The following CCZ1B variants were observed in gnomAD, a reference collection of about 807,000 sequenced individuals.
CCZ1B encodes the protein CCZ1B vacuolar protein trafficking and biogenesis associated.
Under a neutral mutation model 58.8 loss-of-function variants are expected in CCZ1B, and 25 were observed. The ratio of observed to expected loss-of-function variants is 0.43; its 90% CI spans 0.31 to 0.59. The LOEUF is 0.59. CCZ1B is among the 20% of genes least tolerant of loss of function. The pLI is 0.12. For missense variants in CCZ1B, 180 were observed against 501.5 expected (o/e 0.36, Z 6.12); for synonymous variants, 66 against 173.2 (o/e 0.38, Z 4.86).
chr7:6,820,488 T>TC (rs1359544429), intron 6 of CCZ1B, among the ~76,000 whole-genome samples: 1 of 149,042 alleles, frequency 6.7e-6, no homozygotes, highest in African/African-American at 2.5e-5. Context: ...AAAATTTTTT[T>TC]TTTTTTTTGG....
At chr7:6,818,625 AAAGAAAGAC>A (rs1372001021) in intron 7 of CCZ1B, among the ~76,000 whole-genome samples, 1 of 146,266 alleles carries the variant, frequency 6.8e-6, no homozygotes, top group Non-Finnish European at 1.5e-5. Flanking sequence ...GACAAGAAAG[AAAGAAAGAC>A]AAGAAAGAAA....
intron 7 of CCZ1B, 79 bp downstream of exon 7, chr7:6,819,687 A>C (rs2067832063): frequency 1.2e-6 from 1 of 800,100 alleles, no homozygotes; most frequent in Non-Finnish European, 2.0e-6. Flanking sequence ...CCTGTTTGAC[A>C]ACCTGTCATC....
chr7:6,816,860 C>T (rs1480757871), intron 7 of CCZ1B, among the ~76,000 whole-genome samples: 1 of 151,398 alleles, frequency 6.6e-6, no homozygotes, highest in Non-Finnish European at 1.5e-5. Context: ...TCAAGTGATT[C>T]TCCAGCCTCA....
intron 7 of CCZ1B, among the ~76,000 whole-genome samples, chr7:6,817,042 G>C (rs1431791593): frequency 6.6e-6 from 1 of 152,308 alleles, no homozygotes; most frequent in Admixed American, 6.5e-5. Context: ...GGGATGACAG[G>C]TGTAAGCGTT....
intron 7 of CCZ1B, among the ~76,000 whole-genome samples, chr7:6,816,579 G>T (rs549283126): frequency 6.6e-6 from 1 of 150,884 alleles, no homozygotes; most frequent in Non-Finnish European, 1.5e-5. Flanking sequence ...TTTTGGTAGA[G>T]ACAGAGCCTC....
intron 10 of CCZ1B, among the ~76,000 whole-genome samples, chr7:6,808,136 C>CG (rs1782861265): frequency 8.1e-6 from 1 of 123,374 alleles, no homozygotes; most frequent in Admixed American, 9.9e-5. Flanking sequence ...GCACAGCACC[C>CG]GCTCCACCTC....
intron 7 of CCZ1B, among the ~76,000 whole-genome samples, chr7:6,815,172 CTT>C (rs200922002): frequency 2.2e-5 from 3 of 135,666 alleles, no homozygotes; most frequent in Non-Finnish European, 1.6e-5. Context: ...ATTTTTTTTT[CTT>C]TTTTTTTTTT....
intron 12 of CCZ1B, among the ~76,000 whole-genome samples, chr7:6,803,816 C>T (rs553764772): frequency 1.3e-5 from 2 of 151,462 alleles, no homozygotes; most frequent in East Asian, 3.9e-4. Context: ...CAAAAATTAG[C>T]CAGGCATGAT....
chr7:6,809,519 A>G (rs1365120867), intron 10 of CCZ1B, among the ~76,000 whole-genome samples: 2 of 144,910 alleles, frequency 1.4e-5, no homozygotes, highest in African/African-American at 2.7e-5. Flanking sequence ...GGGTCATTCA[A>G]AGGAGGATGA....
At chr7:6,823,515 C>CTTTTTTTTTTTTT in intron 4 of CCZ1B, among the ~76,000 whole-genome samples, 155 bp from the exon 5 acceptor site, 1 of 104,884 alleles carries the variant, frequency 9.5e-6, no homozygotes. Context: ...TGTTTGCGTT[C>CTTTTTTTTTTTTT]TTTTTTTTTT....
At chr7:6,825,663 A>G (rs1394445659) in intron 1 of CCZ1B, among the ~76,000 whole-genome samples, 2 of 125,058 alleles carry the variant, frequency 1.6e-5, no homozygotes, top group Non-Finnish European at 3.3e-5. Context: ...ACACACACAC[A>G]CCCCTCCCGA....
Position 6,801,061 on chromosome 7 carries a change from T to C in CCZ1B, c.1280A>G (p.Glu427Gly). 1 of 1,344,560 alleles carries C rather than the reference T, an allele frequency of 7.4e-7. No individual in the cohort carries two copies. Among genetic ancestry groups the C allele is most frequent in the Non-Finnish European group, 9.7e-7 (1 of 1,033,616 alleles). The allele number at this position is 1,344,560 out of a possible 1,614,324, so 83.3% of individuals were successfully genotyped here. A position where few individuals can be genotyped will look rare whatever the true frequency, so the allele number is the denominator to read the frequency against. The change falls in exon 14 of 15, where the codon GAG becomes GGG. Residue 427 changes from glutamate (E) to glycine (G), a missense_variant. Physicochemically the swap from Glu to Gly is moderately conservative, Grantham distance 98. Coordinates refer to ENST00000316731, the MANE Select transcript of CCZ1B (RefSeq NM_198097.5). ...NSDFTRVDED[E>G]EIIVKAMSDY... ...ACTCATGGCCTTCACAATGATCTCCTCATCTTCATCCACTCTGCAAGACGA... is the reference window on the plus strand; with the variant it reads ...ACTCATGGCCTTCACAATGATCTCCCCATCTTCATCCACTCTGCAAGACGA...
chr7:6,825,418 T>G (rs1424016290), intron 1 of CCZ1B, among the ~76,000 whole-genome samples: 1 of 145,160 alleles, frequency 6.9e-6, no homozygotes, highest in African/African-American at 2.7e-5. Context: ...TTTCAATTTT[T>G]TTTTTTTTTT....
At chr7:6,814,047 G>A (rs1782959264) in intron 8 of CCZ1B, among the ~76,000 whole-genome samples, 1 of 148,718 alleles carries the variant, frequency 6.7e-6, no homozygotes, top group South Asian at 2.1e-4. Context: ...TTGGGAGCCT[G>A]AGGCCGGAGA....
chr7:6,812,091 A>G lies in CCZ1B; in HGVS notation c.843-28T>C, dbSNP rs756383562. 55 of 941,146 alleles carry G rather than the reference A, an allele frequency of 5.8e-5. 3 individuals are homozygous for G. Among genetic ancestry groups the G allele is most frequent in the Non-Finnish European group, 8.6e-5 (50 of 580,300 alleles). The allele number at this position is 941,146 out of a possible 1,614,324, so 58.3% of individuals were successfully genotyped here. On this transcript the variant is annotated intron_variant, in intron 9 of 14. Transcript: ENST00000316731. Reference sequence around the variant, plus strand: ...TAAAAGCAAGAACAGACATGACTTGATTCAACGAGGTGAAGGAGAATCAGG... The same window carrying G: ...TAAAAGCAAGAACAGACATGACTTGGTTCAACGAGGTGAAGGAGAATCAGG...
chr7:6,817,149 G>A (rs1338338423), intron 7 of CCZ1B, among the ~76,000 whole-genome samples: 7 of 152,216 alleles, frequency 4.6e-5, no homozygotes, highest in East Asian at 1.9e-4. Flanking sequence ...GGTGACAACC[G>A]AGCAGTTCTG....
In CCZ1B at chr7:6,819,842, A is replaced by C. The variant is rs368977002; in HGVS notation, c.622T>G (p.Ser208Ala). Residue 208 changes from serine to alanine, a missense_variant, in exon 7 of 15, where the codon TCC (serine) becomes GCC (alanine). Physicochemically the swap from Ser to Ala is moderately conservative, Grantham distance 99. Coordinates refer to ENST00000316731, the MANE Select transcript of CCZ1B (RefSeq NM_198097.5). Reference sequence around the variant, plus strand: ...CTTTCCTCCATTCTATTAATAAAGGACTGGATTTTCAAATAAGTCATTTTA... The same window carrying C: ...CTTTCCTCCATTCTATTAATAAAGGCCTGGATTTTCAAATAAGTCATTTTA... ...LDKMTYLKIQ[S>A]FINRMEESLN... is the part of the protein sequence containing the mutation. 2.4e-5 allele frequency: 38 copies of C among 1,570,910 alleles called. No individual in the cohort carries two copies. In the Admixed American group the frequency reaches 2.7e-4, roughly 11 times the overall value.
At position 6,814,802 on chromosome 7, in the gene CCZ1B, G is replaced by C. The variant is rs748036123; in HGVS notation, c.742C>G (p.Leu248Val). Residue 248 changes from leucine to valine, a missense_variant, in exon 8 of 15, where the codon CTT becomes GTT. Leu to Val is a conservative substitution (Grantham distance 32). Coordinates refer to ENST00000316731, the MANE Select transcript of CCZ1B (RefSeq NM_198097.5). ...TGCCTTGGGAAAAGGGAGGTGGTAA[G>C]GTATTTGTATAAAATTCTCATGTCA... is the stretch of plus-strand genomic sequence containing the variant. ...QDDMRILYKY[L>V]TTSLFPRHIE... The C allele has an allele frequency of 6.2e-6, 10 of 1,607,104 alleles. No homozygotes were observed. The highest frequency in any genetic ancestry group is 6.8e-6 in the Non-Finnish European group (8 of 1,178,160).
rs1487444721 is a variant in CCZ1B at position 6,799,015 on chromosome 7, C to T, written c.*209G>A. 1.4e-5 allele frequency: 5 copies of T among 353,578 alleles called. 1 individual carries two copies. Among genetic ancestry groups the T allele is most frequent in the Admixed American group, 1.2e-4 (2 of 16,538 alleles). The allele number at this position is 353,578 out of a possible 1,614,324, so 21.9% of individuals were successfully genotyped here. On this transcript the variant is annotated 3_prime_UTR_variant, in exon 15 of 15. Transcript: ENST00000316731. ...TAATGTCAAAAGAATGAAATGATAG[C>T]GATATAGCCAACTACCTTTAATTAA...
Sources: gnomAD v4.1 joint callset for allele counts (sites outside exome capture counted in the v4.1 genomes callset) on GRCh38, gnomAD v4.1.1 for gene constraint, MANE v1.5 for transcripts, NCBI Gene and HGNC (gene_info 2026-07-23, HGNC 2026-07-21) for gene names.